CSMD2: variants seen among roughly 807,000 people sequenced by gnomAD.
CSMD2 encodes the protein CUB and Sushi multiple domains 2.
Under a neutral mutation model 398.5 loss-of-function variants are expected in CSMD2, and 130 were observed. The observed-to-expected ratio is 0.33, with a 90% confidence interval of 0.28 to 0.38. CSMD2 has a LOEUF of 0.38. Among genes scored for constraint, CSMD2 ranks in the 10% least tolerant of loss-of-function variants. The pLI is 1.00. For synonymous variants in CSMD2, 1,828 were observed against 1,908.5 expected, an observed-to-expected ratio of 0.96 and a Z score of 1.10; for missense variants, 3,829 against 4,764.9, an observed-to-expected ratio of 0.80 and a Z score of 5.78.
chr1:33,666,091 C>T (rs937197226), intron 25 of CSMD2, among the ~76,000 whole-genome samples: 2 of 152,154 alleles, frequency 1.3e-5, no homozygotes, highest in Non-Finnish European at 2.9e-5. Flanking sequence ...CTCTCAAGTC[C>T]AGTGATCTCT....
At chr1:33,924,400 T>C (rs1378479636) in intron 4 of CSMD2, among the ~76,000 whole-genome samples, 2 of 152,290 alleles carry the variant, frequency 1.3e-5, no homozygotes, top group East Asian at 1.9e-4. Flanking sequence ...CATACACACA[T>C]ATATATTACA....
chr1:33,929,596 T>C (rs1334803676), intron 4 of CSMD2, among the ~76,000 whole-genome samples: 4 of 151,746 alleles, frequency 2.6e-5, no homozygotes, highest in Non-Finnish European at 1.5e-5. Context: ...TGACACCACG[T>C]CCAGCTAATT....
intron 48 of CSMD2, among the ~76,000 whole-genome samples, chr1:33,578,170 C>G (rs1277113499): frequency 6.6e-6 from 1 of 152,196 alleles, no homozygotes; most frequent in Non-Finnish European, 1.5e-5. Flanking sequence ...CTACAGTGCT[C>G]ATTTCCCCTC....
chr1:33,739,106 C>T, intron 15 of CSMD2, 34 bp downstream of exon 15: 1 of 1,590,616 alleles, frequency 6.3e-7, no homozygotes, highest in South Asian at 1.1e-5. Context: ...CTCTGGCTGA[C>T]AATGGCCACT....
chr1:34,123,394 C>T (rs1266226521), intron 1 of CSMD2, among the ~76,000 whole-genome samples: 1 of 152,224 alleles, frequency 6.6e-6, no homozygotes, highest in Admixed American at 6.5e-5. Flanking sequence ...CCTCCCCCTA[C>T]ACCTTGCCCT....
chr1:33,668,181 C>G (rs895403778), intron 25 of CSMD2, among the ~76,000 whole-genome samples: 5 of 152,060 alleles, frequency 3.3e-5, no homozygotes, highest in Non-Finnish European at 5.9e-5. Flanking sequence ...GCCATGGAGG[C>G]GACACTGGGC....
Position 33,714,705 on chromosome 1 carries a change from G to C in CSMD2, c.3288C>G (p.Gly1096=). 2 of 1,614,114 alleles carry C rather than the reference G, an allele frequency of 1.2e-6. No homozygotes were observed. The highest frequency in any genetic ancestry group is 8.5e-7 in the Non-Finnish European group (1 of 1,180,038). Residue 1096 remains glycine (G), a synonymous_variant, in exon 21 of 71, where the codon GGC becomes GGG. Transcript: ENST00000373381. ...AYSIRKGLQF[G]VGDTLTFSCF... ...AGGAGAAGGTCAAGGTGTCGCCCAC[G>C]CCAAACTGCAAGCCCTTCCGGATGC...
At chr1:33,915,635 A>G (rs1242141683) in intron 5 of CSMD2, among the ~76,000 whole-genome samples, 2 of 152,194 alleles carry the variant, frequency 1.3e-5, no homozygotes, top group African/African-American at 4.8e-5. Context: ...GCTGTAGGAG[A>G]CCATTTGGCC....
rs749156443 is a variant in CSMD2, at chr1:33,658,446, G to A, written c.4256-309C>T. 1.1e-4 allele frequency among the ~76,000 whole-genome samples: 17 copies of A among 152,186 alleles called. 1 individual carries two copies. The highest frequency in any genetic ancestry group is 1.3e-4 in the Admixed American group (2 of 15,278). Reference sequence around the variant, plus strand: ...GCTATGAGTTAAGCATGATTATACTGTTATAATTATAGAATTGAATTCAGC... The same window carrying A: ...GCTATGAGTTAAGCATGATTATACTATTATAATTATAGAATTGAATTCAGC... On this transcript the variant is annotated intron_variant, in intron 26 of 70. Transcript: ENST00000373381.
chr1:34,090,175 G>A (rs995260892), intron 1 of CSMD2, among the ~76,000 whole-genome samples: 8 of 152,264 alleles, frequency 5.3e-5, no homozygotes, highest in African/African-American at 1.9e-4. Flanking sequence ...CTGTGCACAC[G>A]CATCACCTGG....
intron 21 of CSMD2, among the ~76,000 whole-genome samples, chr1:33,711,212 A>C (rs943643930): frequency 1.3e-5 from 2 of 152,116 alleles, no homozygotes; most frequent in Admixed American, 1.3e-4. Context: ...GGAGTTGCTT[A>C]GGGCCATGCA....
At chr1:33,626,684 G>T in intron 32 of CSMD2, 103 bp from the exon 33 acceptor site, 1 of 700,106 alleles carries the variant, frequency 1.4e-6, no homozygotes, top group Non-Finnish European at 2.3e-6. Context: ...ACCCCATGCA[G>T]CAATTCCTTC....
chr1:33,755,045 T>A (rs1648798824), intron 13 of CSMD2, among the ~76,000 whole-genome samples: 2 of 152,082 alleles, frequency 1.3e-5, no homozygotes, highest in African/African-American at 4.8e-5. Context: ...TAAGCCTGAC[T>A]GAGATTGGTG....
intron 70 of CSMD2, among the ~76,000 whole-genome samples, chr1:33,517,151 TA>T (rs563242870): frequency 3.3e-5 from 5 of 151,898 alleles, no homozygotes; most frequent in South Asian, 4.2e-4. Context: ...TGGCATTATT[TA>T]AAAAAAAATT....
chr1:33,689,669 A>G (rs1645170058), intron 25 of CSMD2, among the ~76,000 whole-genome samples: 1 of 152,202 alleles, frequency 6.6e-6, no homozygotes, highest in Non-Finnish European at 1.5e-5. Flanking sequence ...CCAGAGAATT[A>G]ATGCTGTGCC....
At chr1:33,853,076 G>A (rs1412383056) in intron 5 of CSMD2, among the ~76,000 whole-genome samples, 8 of 152,192 alleles carry the variant, frequency 5.3e-5, no homozygotes, top group East Asian at 1.9e-4. Flanking sequence ...GGACACAGAT[G>A]TAGCTTCAAC....
At chr1:33,802,839 A>C (rs1230604661) in intron 10 of CSMD2, among the ~76,000 whole-genome samples, 1 of 151,988 alleles carries the variant, frequency 6.6e-6, no homozygotes, top group Non-Finnish European at 1.5e-5. Context: ...CCCTCTGTGC[A>C]TATTTTTTCC....
At chr1:33,938,345 G>A (rs890594630) in intron 3 of CSMD2, among the ~76,000 whole-genome samples, 4 of 129,188 alleles carry the variant, frequency 3.1e-5, no homozygotes, top group Admixed American at 7.6e-5. Context: ...TGTTTCCCAT[G>A]ATCCTGTACT....
intron 64 of CSMD2, among the ~76,000 whole-genome samples, chr1:33,529,843 C>T (rs1655088394): frequency 6.6e-6 from 1 of 152,112 alleles, no homozygotes; most frequent in Admixed American, 6.5e-5. Context: ...CGAAAAGACA[C>T]CCCGTGAAAT....
Sources: gnomAD v4.1 joint callset for allele counts (sites outside exome capture counted in the v4.1 genomes callset) on GRCh38, gnomAD v4.1.1 for gene constraint, MANE v1.5 for transcripts, NCBI Gene and HGNC (gene_info 2026-07-23, HGNC 2026-07-21) for gene names.